Variants in EPHA6 observed in about 807,000 individuals in gnomAD.
The protein encoded by EPHA6 is ephrin type-A receptor 6.
Under a neutral mutation model 112.0 loss-of-function variants are expected in EPHA6, and 50 were observed. The observed-to-expected ratio is 0.45, with a 90% CI of 0.36 to 0.56. The LOEUF is 0.56. Ranked by LOEUF, EPHA6 falls within the 20% of genes least tolerant of loss-of-function variation. The pLI, the probability that EPHA6 is intolerant of heterozygous loss-of-function variation, is 0.00. For synonymous variants in EPHA6, 529 were observed against 490.7 expected (o/e 1.08, Z -1.03); for missense variants, 1,280 against 1,417.4 (o/e 0.90, Z 1.56).
intron 7 of EPHA6, among the ~76,000 whole-genome samples, chr3:97,451,891 T>C (rs1577453112): frequency 6.6e-6 from 1 of 151,926 alleles, no homozygotes; most frequent in East Asian, 1.9e-4. Context: ...AACTTTATAA[T>C]ACATTCATAG....
intron 3 of EPHA6, among the ~76,000 whole-genome samples, chr3:97,181,185 G>A (rs1239161055): frequency 1.3e-5 from 2 of 152,058 alleles, no homozygotes; most frequent in South Asian, 2.1e-4. Flanking sequence ...GAATTGCTAT[G>A]TCCTTTCTCC....
At chr3:97,448,543 T>A in intron 6 of EPHA6, 25 bp from the exon 7 acceptor site, 1 of 1,611,446 alleles carries the variant, frequency 6.2e-7, no homozygotes, top group Middle Eastern at 1.7e-4. Flanking sequence ...TTTCATTTCC[T>A]TTCTCCTTTT....
chr3:97,610,767 A>T, intron 12 of EPHA6, 26 bp from the exon 13 acceptor site: 1 of 1,592,666 alleles, frequency 6.3e-7, no homozygotes, highest in Non-Finnish European at 8.6e-7. Flanking sequence ...GCTCTAATCC[A>T]TGTGTATTCT....
At chr3:96,857,529 G>A (rs2035766198) in intron 1 of EPHA6, among the ~76,000 whole-genome samples, 1 of 152,148 alleles carries the variant, frequency 6.6e-6, no homozygotes, top group Non-Finnish European at 1.5e-5. Flanking sequence ...CACATTCACT[G>A]TGACATTTCC....
chr3:97,160,255 A>G (rs550507723), intron 3 of EPHA6, among the ~76,000 whole-genome samples: 1 of 152,156 alleles, frequency 6.6e-6, no homozygotes, highest in African/African-American at 2.4e-5. Context: ...TTTGGTGTGC[A>G]TTCACCTAGG....
chr3:96,860,531 A>C (rs2107424487), intron 1 of EPHA6, among the ~76,000 whole-genome samples: 1 of 152,252 alleles, frequency 6.6e-6, no homozygotes, highest in East Asian at 1.9e-4. Context: ...TTCAGACCTT[A>C]AGTTTCATAA....
At chr3:97,501,143 G>A (rs963720122) in intron 10 of EPHA6, among the ~76,000 whole-genome samples, 1 of 152,124 alleles carries the variant, frequency 6.6e-6, no homozygotes, top group Non-Finnish European at 1.5e-5. Context: ...CAGAAATTGA[G>A]AAATCTGCCA....
intron 10 of EPHA6, among the ~76,000 whole-genome samples, chr3:97,495,647 TC>T (rs1271975121): frequency 6.6e-6 from 1 of 152,166 alleles, no homozygotes; most frequent in Non-Finnish European, 1.5e-5. Flanking sequence ...ATTGTCCTTC[TC>T]AGTAACATCT....
At chr3:97,634,416 A>C (rs923218444) in intron 13 of EPHA6, among the ~76,000 whole-genome samples, 1 of 152,038 alleles carries the variant, frequency 6.6e-6, no homozygotes, top group South Asian at 2.1e-4. Context: ...CAGTAGATAG[A>C]CCAATTGGAT....
intron 5 of EPHA6, among the ~76,000 whole-genome samples, chr3:97,333,582 T>G (rs991523907): frequency 6.8e-6 from 1 of 147,528 alleles, no homozygotes; most frequent in Non-Finnish European, 1.5e-5. Context: ...CAAGTGATAC[T>G]CCCACCTCAG....
chr3:96,939,035 A>G (rs1559606918), intron 2 of EPHA6, among the ~76,000 whole-genome samples: 1 of 152,088 alleles, frequency 6.6e-6, no homozygotes, highest in African/African-American at 2.4e-5. Flanking sequence ...TTTTTGCATC[A>G]ATGTTCATCA....
chr3:97,476,095 T>A (rs1460872234), intron 8 of EPHA6, among the ~76,000 whole-genome samples: 2 of 152,136 alleles, frequency 1.3e-5, no homozygotes, highest in East Asian at 3.8e-4. Flanking sequence ...ATAGTATGAA[T>A]ACCATAATCC....
At chr3:97,580,360 A>G (rs1328129762) in intron 11 of EPHA6, among the ~76,000 whole-genome samples, 1 of 152,236 alleles carries the variant, frequency 6.6e-6, no homozygotes, top group East Asian at 1.9e-4. Flanking sequence ...AAAAGCATGT[A>G]TGTTAAGTGA....
intron 5 of EPHA6, among the ~76,000 whole-genome samples, chr3:97,382,151 G>A (rs2085787514): frequency 6.6e-6 from 1 of 152,034 alleles, no homozygotes; most frequent in Non-Finnish European, 1.5e-5. Context: ...TAAGTATACA[G>A]TATTAGCAGA....
At chr3:97,004,350 A>T (rs1156582522) in intron 3 of EPHA6, among the ~76,000 whole-genome samples, 1 of 152,190 alleles carries the variant, frequency 6.6e-6, no homozygotes, top group Admixed American at 6.5e-5. Flanking sequence ...CTGGCATGAT[A>T]AGGTGTCTTA....
chr3:97,221,760 G>A (rs151139502), intron 3 of EPHA6, among the ~76,000 whole-genome samples: 83 of 151,940 alleles, frequency 5.5e-4, no homozygotes, highest in African/African-American at 1.9e-3. Context: ...GGCTGGGTGC[G>A]GTGGCTCATG....
chr3:96,962,497 A>T (rs1252511623), intron 2 of EPHA6, among the ~76,000 whole-genome samples: 1 of 147,856 alleles, frequency 6.8e-6, no homozygotes, highest in Non-Finnish European at 1.5e-5. Flanking sequence ...CCCAGTTCTA[A>T]TACTAAACCC....
At chr3:96,879,373 T>C (rs533608039) in intron 2 of EPHA6, among the ~76,000 whole-genome samples, 4 of 152,242 alleles carry the variant, frequency 2.6e-5, no homozygotes, top group Admixed American at 2.6e-4. Context: ...ACACTTTTAC[T>C]GCATGAACTC....
rs375827107 is a variant in EPHA6, at chr3:97,649,039, C to G, written c.2784+10957C>G. 9.2e-5 allele frequency among the ~76,000 whole-genome samples: 14 copies of G among 152,198 alleles called. No individual in the cohort carries two copies. The South Asian group carries it at 2.7e-3, about 29-fold the overall frequency. Reference sequence around the variant, plus strand: ...GGAGGGGGTTTGACTGCTTTAGGCACAAAACAGGCACTTAGGTAGAAAATC... The same window carrying G: ...GGAGGGGGTTTGACTGCTTTAGGCAGAAAACAGGCACTTAGGTAGAAAATC... On this transcript the variant is annotated intron_variant, in intron 14 of 17. Transcript: ENST00000389672.
Sources: allele counts gnomAD v4.1 joint callset (sites outside exome capture counted in the v4.1 genomes callset), GRCh38; gene constraint gnomAD v4.1.1; transcripts MANE v1.5; gene names NCBI Gene and HGNC (gene_info 2026-07-23, HGNC 2026-07-21).